The following AMMECR1L variants were observed in gnomAD, a reference collection of about 807,000 sequenced individuals.
AMMECR1L encodes AMMECR1 like, also known as AMMECR1-like protein.
In AMMECR1L, 4 loss-of-function variants were observed where a neutral mutation model predicts 36.8. The ratio of observed to expected loss-of-function variants is 0.11; its 90% CI spans 0.05 to 0.25. The LOEUF (loss-of-function observed/expected upper bound fraction) is 0.25. Among genes scored for constraint, AMMECR1L ranks in the 10% least tolerant of loss-of-function variants. The pLI is 1.00. For synonymous variants in AMMECR1L, 147 were observed against 148.0 expected (o/e 0.99, Z 0.05); for missense variants, 232 against 392.1 (o/e 0.59, Z 3.45).
At position 127,871,235 on chromosome 2, in the gene AMMECR1L, T is replaced by G; in HGVS notation, c.518+14A>C. The G allele has an allele frequency of 6.2e-7, 1 of 1,609,330 alleles. No individual in the cohort carries two copies. The highest frequency in any genetic ancestry group is 1.1e-5 in the South Asian group (1 of 90,982). On this transcript the variant is annotated intron_variant, in intron 4 of 7. Transcript: ENST00000272647. This position sits in a 1 kb window ranked among gnomAD's most constrained non-coding sequence, Gnocchi z 4.3. ...GCCAATTTATCTACAGTTCTTAATG[T>G]CTGGTGTCATTACCTGGTTAACGTG...
At chr2:127,870,116 A>C (rs985871804) in intron 5 of AMMECR1L, among the ~76,000 whole-genome samples, 4 of 152,146 alleles carry the variant, frequency 2.6e-5, no homozygotes, top group African/African-American at 9.7e-5. Flanking sequence ...AGAGATTGAG[A>C]CCATCCTGGC....
intron 6 of AMMECR1L, 199 bp from the exon 7 acceptor site, chr2:127,867,195 GA>G: frequency 1.0e-6 from 1 of 985,450 alleles, no homozygotes; most frequent in Non-Finnish European, 1.2e-6. Flanking sequence ...GACATGAGAT[GA>G]TAGCCCGACA....
intron 2 of AMMECR1L, among the ~76,000 whole-genome samples, chr2:127,881,442 C>A (rs1311790317): frequency 6.6e-6 from 1 of 151,942 alleles, no homozygotes; most frequent in African/African-American, 2.4e-5. Flanking sequence ...AAAAATAACT[C>A]CCATTTTCCC....
rs1208179042 is a variant in AMMECR1L at position 127,862,430 on chromosome 2, G to C, written c.*2664C>G. On this transcript the variant is annotated 3_prime_UTR_variant, in exon 8 of 8. Transcript: ENST00000272647. ...GAGAAGGCAGTTCAGTTCCAGTTCG[G>C]AGCTATCCTCTCCCTATGCAAAGCT... 2 of 153,728 alleles carry C rather than the reference G, an allele frequency of 1.3e-5. No homozygotes were observed. Among genetic ancestry groups the C allele is most frequent in the African/African-American group, 4.8e-5 (2 of 41,432 alleles). 9.5% of individuals were successfully genotyped at this position (153,728 alleles called of 1,614,324 possible).
chr2:127,871,237 T>C lies in AMMECR1L; in HGVS notation c.518+12A>G. ...CAATTTATCTACAGTTCTTAATGTC[T>C]GGTGTCATTACCTGGTTAACGTGTA... On this transcript the variant is annotated intron_variant, in intron 4 of 7. Transcript: ENST00000272647. The surrounding 1 kb of genome is among the most constrained non-coding windows in gnomAD (Gnocchi z 4.3). The C allele has an allele frequency of 6.2e-7, 1 of 1,610,170 alleles. No individual in the cohort carries two copies. The highest frequency in any genetic ancestry group is 8.5e-7 in the Non-Finnish European group (1 of 1,176,464).
intron 6 of AMMECR1L, chr2:127,867,369 T>G (rs1690737370): frequency 2.2e-6 from 2 of 900,244 alleles, no homozygotes; most frequent in Non-Finnish European, 2.7e-6. Context: ...GAATTTAAAT[T>G]CTGCAACTTA....
chr2:127,865,034 C>A lies in AMMECR1L; in HGVS notation c.*60G>T. The A allele has an allele frequency of 1.7e-6, 2 of 1,183,902 alleles. No individual in the cohort carries two copies. The highest frequency in any genetic ancestry group is 2.5e-5 in the South Asian group (2 of 78,824). 73.3% of individuals were successfully genotyped at this position (1,183,902 alleles called of 1,614,324 possible). ...GGACCAGGAAGAGGAGGCATCTGCT[C>A]CAATGATGTCATAGCCATTGGTGGC... On this transcript the variant is annotated 3_prime_UTR_variant, in exon 8 of 8. Coordinates refer to ENST00000272647, the MANE Select transcript of AMMECR1L (RefSeq NM_001199140.2). The surrounding 1 kb of genome is among the most constrained non-coding windows in gnomAD (Gnocchi z 5.4).
intron 2 of AMMECR1L, among the ~76,000 whole-genome samples, chr2:127,877,287 C>T (rs530905947): frequency 6.6e-6 from 1 of 151,266 alleles, no homozygotes; most frequent in African/African-American, 2.4e-5. Flanking sequence ...ATGCTACCAT[C>T]ATTTTACATT....
intron 3 of AMMECR1L, chr2:127,872,883 G>A (rs985245403): frequency 6.3e-6 from 4 of 636,694 alleles, no homozygotes; most frequent in South Asian, 7.0e-5. Flanking sequence ...CCAGGGTGAC[G>A]GTTCCCAAAA....
Position 127,870,823 on chromosome 2 carries a change from C to T in AMMECR1L, c.624G>A (p.Leu208=). 1.9e-6 allele frequency: 3 copies of T among 1,611,438 alleles called. No homozygotes were observed. The highest frequency in any genetic ancestry group is 2.5e-6 in the Non-Finnish European group (3 of 1,179,020). The stretch of plus-strand genomic sequence containing the variant: ...ATGCGGCTGTTCTCACCTCCCAGTC[C>T]AGGTAATCACTGGCATCCTCAAAGT... ...LTNFEDASDY[L]DWEVGVHGIR... The change falls in exon 5 of 8, where the codon CTG becomes CTA. Residue 208 remains leucine, a synonymous_variant. Coordinates refer to ENST00000272647, the MANE Select transcript of AMMECR1L (RefSeq NM_001199140.2).
At chr2:127,885,233 G>C (rs1047351109) in intron 1 of AMMECR1L, 7 of 985,086 alleles carry the variant, frequency 7.1e-6, no homozygotes, top group Non-Finnish European at 7.2e-6. Context: ...AGAGTGTTAA[G>C]AAAACGACAG....
rs1264284469 is a variant in AMMECR1L, at chr2:127,885,947, C to T, written c.-286G>A. ...CTGCGGGCGGGCCGGACGCGCTGCG[C>T]GGACGGGGCGGGGCGAAGGAGGCCG... is the stretch of plus-strand genomic sequence containing the variant. On this transcript the variant is annotated 5_prime_UTR_variant, in exon 1 of 8. Transcript: ENST00000272647. 3.0e-5 allele frequency: 30 copies of T among 990,598 alleles called. No homozygotes were observed. In the Admixed American group the frequency reaches 4.3e-4, roughly 14 times the overall value. 61.4% of individuals were successfully genotyped at this position (990,598 alleles called of 1,614,324 possible). A position where few individuals can be genotyped will look rare whatever the true frequency, so the allele number is the denominator to read the frequency against.
chr2:127,866,244 A>C (rs1291380236), intron 7 of AMMECR1L, among the ~76,000 whole-genome samples: 2 of 152,224 alleles, frequency 1.3e-5, no homozygotes, highest in East Asian at 3.8e-4. Flanking sequence ...CTGATCACCT[A>C]CAATGTTGAC....
chr2:127,871,330 C>G lies in AMMECR1L; in HGVS notation c.437G>C (p.Arg146Pro). The G allele has an allele frequency of 3.7e-6, 6 of 1,614,046 alleles. No homozygotes were observed. Among genetic ancestry groups the G allele is most frequent in the Non-Finnish European group, 5.1e-6 (6 of 1,180,042 alleles). The change falls in exon 4 of 8, where the codon CGG becomes CCG. Residue 146 changes from arginine (R) to proline (P), a missense_variant. Physicochemically the swap from Arg to Pro is moderately radical, Grantham distance 103. Transcript: ENST00000272647. This position sits in a 1 kb window ranked among gnomAD's most constrained non-coding sequence, Gnocchi z 4.3. ...YPLFVTWKTGRDKRLRGCIGT... is the reference protein window; with the variant it reads ...YPLFVTWKTGPDKRLRGCIGT... ...AATGCAGCCACGAAGCCGCTTGTCC[C>G]GCCCTGTCTTCCACGTCACAAAGAG...
rs1018467752 is a variant in AMMECR1L at position 127,868,971 on chromosome 2, C to T, written c.724+483G>A. Reference sequence around the variant, plus strand: ...ATCTCTTGACCTTGTGATCCGCCCACCTTGGCCTCCCAAAATGCTGGGATT... The same window carrying T: ...ATCTCTTGACCTTGTGATCCGCCCATCTTGGCCTCCCAAAATGCTGGGATT... On this transcript the variant is annotated intron_variant, in intron 6 of 7. Transcript: ENST00000272647. Among the ~76,000 whole-genome samples, 5 of 152,278 alleles carry T rather than the reference C, an allele frequency of 3.3e-5. No individual in the cohort carries two copies. In the South Asian group the frequency reaches 1.0e-3, roughly 32 times the overall value.
In AMMECR1L at chr2:127,871,042, T is replaced by TGATG; in HGVS notation, c.519-115_519-114insCATC. 1 of 928,610 alleles carries TGATG rather than the reference T, an allele frequency of 1.1e-6. No individual in the cohort carries two copies. Among genetic ancestry groups the TGATG allele is most frequent in the South Asian group, 1.7e-5 (1 of 59,064 alleles). The allele number at this position is 928,610 out of a possible 1,614,324, so 57.5% of individuals were successfully genotyped here. On this transcript the variant is annotated intron_variant, in intron 4 of 7. Transcript: ENST00000272647. The surrounding 1 kb of genome is among the most constrained non-coding windows in gnomAD (Gnocchi z 4.3). ...GAGCTATGCAGAGAGTATCTATTGT[T>TGATG]CATCAACACTAACATGTTAAAAACA...
In AMMECR1L at chr2:127,869,383, C is replaced by T. The variant is rs115158728; in HGVS notation, c.724+71G>A. On this transcript the variant is annotated intron_variant, in intron 6 of 7. Transcript: ENST00000272647. This position sits in a 1 kb window ranked among gnomAD's most constrained non-coding sequence, Gnocchi z 4.7. ...AGTTGGGCTGCAAGATGACACACTT[C>T]ACTTTCTTGCCCTTTAACTGGCACC... 6.9e-4 allele frequency: 991 copies of T among 1,427,912 alleles called. 3 individuals are homozygous for T. In the African/African-American group the frequency reaches 0.012, roughly 17 times the overall value. The allele number at this position is 1,427,912 out of a possible 1,614,324, so 88.5% of individuals were successfully genotyped here. A position where few individuals can be genotyped will look rare whatever the true frequency, so the allele number is the denominator to read the frequency against.
In AMMECR1L at chr2:127,863,942, T is replaced by A. The variant is rs1420742946; in HGVS notation, c.*1152A>T. On this transcript the variant is annotated 3_prime_UTR_variant, in exon 8 of 8. Coordinates refer to ENST00000272647, the MANE Select transcript of AMMECR1L (RefSeq NM_001199140.2). The stretch of plus-strand genomic sequence containing the variant: ...TGAGCTATTTGGAAATTTGCCCTGG[T>A]GGGGTGAAGATTCCCAGCATGTCAG... 2 of 152,282 alleles carry A rather than the reference T, an allele frequency of 1.3e-5. No individual in the cohort carries two copies. The highest frequency in any genetic ancestry group is 2.9e-5 in the Non-Finnish European group (2 of 68,044). The allele number at this position is 152,282 out of a possible 1,614,324, so 9.4% of individuals were successfully genotyped here.
In AMMECR1L at chr2:127,871,882, T is replaced by C. The variant is rs910630527; in HGVS notation, c.408-523A>G. ...AAAAGTTCCCTCAAAAAACATTTTT[T>C]AATTTTTAAAAAAAGATTTAAAAAG... On this transcript the variant is annotated intron_variant, in intron 3 of 7. Transcript: ENST00000272647. The surrounding 1 kb of genome is among the most constrained non-coding windows in gnomAD (Gnocchi z 4.3). Among the ~76,000 whole-genome samples, 1 of 152,154 alleles carries C rather than the reference T, an allele frequency of 6.6e-6. No individual in the cohort carries two copies. The highest frequency in any genetic ancestry group is 2.4e-5 in the African/African-American group (1 of 41,444).
Sources: allele counts gnomAD v4.1 joint callset (sites outside exome capture counted in the v4.1 genomes callset), GRCh38; gene constraint gnomAD v4.1.1; non-coding constraint Gnocchi (gnomAD v3.1); transcripts MANE v1.5; gene names NCBI Gene and HGNC (gene_info 2026-07-23, HGNC 2026-07-21).